Variants in SNTG1 observed in about 807,000 individuals in gnomAD.
SNTG1 encodes gamma-1-syntrophin.
SNTG1 carries 39 observed loss-of-function variants against 74.7 expected under a neutral mutation model. The ratio of observed to expected loss-of-function variants is 0.52; its 90% CI spans 0.40 to 0.68. The LOEUF (loss-of-function observed/expected upper bound fraction) is 0.68. Among genes scored for constraint, SNTG1 ranks in the 30% least tolerant of loss-of-function variants. SNTG1 has a pLI of 0.00. For missense variants in SNTG1, 685 were observed against 609.5 expected (o/e 1.12, Z -1.30); for synonymous variants, 254 against 217.1 (o/e 1.17, Z -1.49).
intron 1 of SNTG1, among the ~76,000 whole-genome samples, chr8:49,971,730 C>G (rs865875283): frequency 6.6e-6 from 1 of 152,088 alleles, no homozygotes; most frequent in African/African-American, 2.4e-5. Context: ...AACAGACAAA[C>G]AGAGAGCCAA....
At chr8:50,762,464 G>T (rs1305114865) in intron 18 of SNTG1, 2 of 324,678 alleles carry the variant, frequency 6.2e-6, no homozygotes, top group African/African-American at 4.3e-5. Context: ...ATTCTGTTTT[G>T]TAATAAATAA....
chr8:50,422,897 A>C (rs1296062615), intron 4 of SNTG1, among the ~76,000 whole-genome samples: 2 of 152,128 alleles, frequency 1.3e-5, no homozygotes, highest in Non-Finnish European at 1.5e-5. Flanking sequence ...AGTTTTGGCA[A>C]AGGGCTATTA....
intron 12 of SNTG1, among the ~76,000 whole-genome samples, chr8:50,589,299 A>T (rs2094675884): frequency 6.6e-6 from 1 of 152,172 alleles, no homozygotes; most frequent in African/African-American, 2.4e-5. Context: ...ACAATTCCTC[A>T]CAGGTAAATA....
intron 8 of SNTG1, among the ~76,000 whole-genome samples, chr8:50,493,469 T>C (rs1355007790): frequency 2.0e-5 from 3 of 152,158 alleles, no homozygotes; most frequent in African/African-American, 7.2e-5. Flanking sequence ...GGAGTACATT[T>C]GGAAATTTAA....
intron 8 of SNTG1, among the ~76,000 whole-genome samples, chr8:50,494,241 C>T (rs988182424): frequency 6.6e-6 from 1 of 151,686 alleles, no homozygotes; most frequent in Non-Finnish European, 1.5e-5. Flanking sequence ...CAGGATTTCT[C>T]TTTTGAAATA....
At chr8:50,339,952 A>T (rs1489769382) in intron 2 of SNTG1, among the ~76,000 whole-genome samples, 1 of 152,004 alleles carries the variant, frequency 6.6e-6, no homozygotes, top group Non-Finnish European at 1.5e-5. Context: ...ATAAGGACAC[A>T]GATAGGTTAA....
At chr8:50,193,510 A>G (rs2083653681) in intron 2 of SNTG1, among the ~76,000 whole-genome samples, 1 of 152,102 alleles carries the variant, frequency 6.6e-6, no homozygotes, top group South Asian at 2.1e-4. Flanking sequence ...TGATTTGTAT[A>G]CATTAATCTT....
At chr8:50,451,804 C>A (rs1356364660) in intron 8 of SNTG1, among the ~76,000 whole-genome samples, 1 of 151,994 alleles carries the variant, frequency 6.6e-6, no homozygotes, top group Non-Finnish European at 1.5e-5. Flanking sequence ...AGGAACAGGA[C>A]TGTGGTAGGC....
intron 1 of SNTG1, among the ~76,000 whole-genome samples, chr8:50,021,765 A>G (rs1331544341): frequency 6.6e-6 from 1 of 151,834 alleles, no homozygotes; most frequent in African/African-American, 2.4e-5. Context: ...GGGAATCCCC[A>G]TCTCTACAGA....
intron 1 of SNTG1, among the ~76,000 whole-genome samples, chr8:50,151,916 T>C (rs988286541): frequency 2.0e-5 from 3 of 152,184 alleles, no homozygotes; most frequent in Admixed American, 2.0e-4. Context: ...TCCATAGATA[T>C]CTATTAGGTC....
At chr8:49,969,662 G>A (rs2129914355) in intron 1 of SNTG1, among the ~76,000 whole-genome samples, 1 of 152,014 alleles carries the variant, frequency 6.6e-6, no homozygotes, top group Admixed American at 6.5e-5. Context: ...CTCCCAAAGT[G>A]CTCAGATTAC....
At chr8:50,492,133 C>G (rs2093861956) in intron 8 of SNTG1, among the ~76,000 whole-genome samples, 1 of 152,170 alleles carries the variant, frequency 6.6e-6, no homozygotes, top group African/African-American at 2.4e-5. Flanking sequence ...TCCAGTCTAT[C>G]ATTGATGGGC....
At chr8:50,448,789 C>T (rs950414163) in intron 5 of SNTG1, among the ~76,000 whole-genome samples, 14 of 152,102 alleles carry the variant, frequency 9.2e-5, no homozygotes, top group Non-Finnish European at 2.1e-4. Context: ...AATCCCAGCA[C>T]TTTGGGATGC....
intron 1 of SNTG1, among the ~76,000 whole-genome samples, chr8:50,151,172 C>T (rs1345511615): frequency 1.3e-5 from 2 of 152,148 alleles, no homozygotes; most frequent in Non-Finnish European, 2.9e-5. Context: ...TTATCCATTT[C>T]TTCTAGATTT....
intron 4 of SNTG1, among the ~76,000 whole-genome samples, chr8:50,430,542 C>T (rs1296353913): frequency 6.6e-6 from 1 of 152,092 alleles, no homozygotes; most frequent in Admixed American, 6.6e-5. Flanking sequence ...TGTGAAAGGG[C>T]CATTTATGCA....
At chr8:50,252,793 C>G (rs1389687555) in intron 2 of SNTG1, among the ~76,000 whole-genome samples, 10 of 152,168 alleles carry the variant, frequency 6.6e-5, no homozygotes, top group Non-Finnish European at 1.5e-5. Context: ...AAACACCTCC[C>G]ACCAGGCCCT....
chr8:49,994,709 T>C (rs1814039887), intron 1 of SNTG1, among the ~76,000 whole-genome samples: 1 of 152,156 alleles, frequency 6.6e-6, no homozygotes, highest in Non-Finnish European at 1.5e-5. Context: ...ACTCATTTTT[T>C]TTTTCTCTGA....
chr8:50,009,735 C>T (rs749509806), intron 1 of SNTG1, among the ~76,000 whole-genome samples: 32 of 152,140 alleles, frequency 2.1e-4, no homozygotes, highest in East Asian at 3.9e-4. Context: ...TGGTGGCTCA[C>T]GCCTATAATC....
At chr8:50,021,347 C>T (rs1037724716) in intron 1 of SNTG1, among the ~76,000 whole-genome samples, 2 of 152,164 alleles carry the variant, frequency 1.3e-5, no homozygotes, top group African/African-American at 4.8e-5. Flanking sequence ...GTTGTCACAG[C>T]TGGTACAGAT....
Sources: gnomAD v4.1 joint callset for allele counts (sites outside exome capture counted in the v4.1 genomes callset) on GRCh38, gnomAD v4.1.1 for gene constraint, MANE v1.5 for transcripts, NCBI Gene and HGNC (gene_info 2026-07-23, HGNC 2026-07-21) for gene names.